The following SLC44A1 variants were observed in gnomAD, a reference collection of about 807,000 sequenced individuals.
SLC44A1 encodes solute carrier family 44 member 1.
SLC44A1 carries 26 observed loss-of-function variants against 79.3 expected under a neutral mutation model. The observed-to-expected ratio is 0.33, with a 90% CI of 0.24 to 0.46. The LOEUF (loss-of-function observed/expected upper bound fraction) is 0.46, where lower values mean the gene tolerates loss of function less well. Among genes scored for constraint, SLC44A1 ranks in the 20% least tolerant of loss-of-function variants. The pLI, the probability that SLC44A1 is intolerant of heterozygous loss-of-function variation, is 1.00. For missense variants in SLC44A1, 688 were observed against 798.1 expected, an observed-to-expected ratio of 0.86 and a Z score of 1.66; for synonymous variants, 263 against 286.2, an observed-to-expected ratio of 0.92 and a Z score of 0.82.
intron 15 of SLC44A1, among the ~76,000 whole-genome samples, chr9:105,408,532 C>G (rs1240206521): frequency 6.6e-6 from 1 of 152,150 alleles, no homozygotes; most frequent in Non-Finnish European, 1.5e-5. Context: ...GCCTCAGCCT[C>G]CTGAGTAGCT....
chr9:105,381,748 C>G (rs2131462188), intron 13 of SLC44A1, among the ~76,000 whole-genome samples: 1 of 152,058 alleles, frequency 6.6e-6, no homozygotes, highest in South Asian at 2.1e-4. Flanking sequence ...TTGGGCAGAC[C>G]CAGATTTGCT....
At chr9:105,292,268 G>T (rs1447954591) in intron 1 of SLC44A1, among the ~76,000 whole-genome samples, 1 of 152,168 alleles carries the variant, frequency 6.6e-6, no homozygotes, top group Admixed American at 6.5e-5. Flanking sequence ...TTGTTAGTAG[G>T]AATCTCACCA....
At chr9:105,305,409 C>G (rs1180998897) in intron 2 of SLC44A1, among the ~76,000 whole-genome samples, 1 of 152,084 alleles carries the variant, frequency 6.6e-6, no homozygotes, top group Non-Finnish European at 1.5e-5. Context: ...AATACTCACT[C>G]TGCATCAGGC....
At chr9:105,352,952 A>G (rs1038232363) in intron 5 of SLC44A1, among the ~76,000 whole-genome samples, 2 of 152,218 alleles carry the variant, frequency 1.3e-5, no homozygotes, top group Non-Finnish European at 2.9e-5. Context: ...AAGGAAATCT[A>G]GTTTGTTTAG....
chr9:105,391,077 C>G lies in SLC44A1; in HGVS notation c.*2021C>G, dbSNP rs1444666749. The G allele has an allele frequency of 2.0e-6, 2 of 985,630 alleles. No individual in the cohort carries two copies. Among genetic ancestry groups the G allele is most frequent in the African/African-American group, 1.7e-5 (1 of 57,204 alleles). The allele number at this position is 985,630 out of a possible 1,614,324, so 61.1% of individuals were successfully genotyped here. A position where few individuals can be genotyped will look rare whatever the true frequency, so the allele number is the denominator to read the frequency against. On this transcript the variant is annotated 3_prime_UTR_variant, in exon 16 of 16. Coordinates refer to ENST00000374720, the MANE Select transcript of SLC44A1 (RefSeq NM_080546.5). The stretch of plus-strand genomic sequence containing the variant: ...CATTGGGAACTAAATTTAGAATTGG[C>G]AAAAGTCTAGAAGATGGGTATCAAA...
At chr9:105,363,136 G>C (rs951860324) in intron 9 of SLC44A1, 129 bp downstream of exon 9, 3 of 698,306 alleles carry the variant, frequency 4.3e-6, no homozygotes, top group Admixed American at 5.4e-5. Context: ...ACTTGTAGTG[G>C]TTATGGCTCC....
At chr9:105,310,544 G>A (rs1831151077) in intron 3 of SLC44A1, among the ~76,000 whole-genome samples, 1 of 152,068 alleles carries the variant, frequency 6.6e-6, no homozygotes, top group Non-Finnish European at 1.5e-5. Context: ...ACCTTATTAG[G>A]CATTTTAAGT....
intron 15 of SLC44A1, among the ~76,000 whole-genome samples, chr9:105,413,899 TG>T (rs1383211574): frequency 6.6e-6 from 1 of 152,090 alleles, no homozygotes; most frequent in Non-Finnish European, 1.5e-5. Flanking sequence ...GCTGGGATGT[TG>T]TAAAGCAGTA....
intron 15 of SLC44A1, among the ~76,000 whole-genome samples, chr9:105,404,452 G>A (rs567408694): frequency 4.6e-5 from 7 of 152,222 alleles, no homozygotes; most frequent in African/African-American, 1.2e-4. Context: ...AGATGAAGCC[G>A]TATTTACTTT....
intron 1 of SLC44A1, among the ~76,000 whole-genome samples, chr9:105,287,258 CT>C (rs763712736): frequency 4.1e-4 from 62 of 152,296 alleles, no homozygotes; most frequent in Middle Eastern, 3.4e-3. Flanking sequence ...GATATATATA[CT>C]TTTTACTACT....
At chr9:105,410,672 C>T (rs1829083403) in intron 15 of SLC44A1, among the ~76,000 whole-genome samples, 2 of 152,266 alleles carry the variant, frequency 1.3e-5, no homozygotes, top group South Asian at 4.2e-4. Context: ...CATAGAATTA[C>T]CATGGGATGC....
intron 1 of SLC44A1, among the ~76,000 whole-genome samples, chr9:105,276,048 C>T (rs931886021): frequency 1.1e-4 from 17 of 151,984 alleles, no homozygotes; most frequent in Non-Finnish European, 1.9e-4. Flanking sequence ...TCAGGTGATC[C>T]GCCCACCTCG....
intron 15 of SLC44A1, among the ~76,000 whole-genome samples, chr9:105,427,363 T>C (rs1829336638): frequency 6.6e-6 from 1 of 152,252 alleles, no homozygotes; most frequent in Non-Finnish European, 1.5e-5. Context: ...TATAATTGAA[T>C]TCAGCAATTT....
Position 105,309,723 on chromosome 9 carries a change from G to T in SLC44A1, c.127-1G>T. On this transcript the variant is annotated splice_acceptor_variant, in intron 2 of 15. Coordinates refer to ENST00000374720, the MANE Select transcript of SLC44A1 (RefSeq NM_080546.5). LOFTEE classifies it high-confidence loss of function. ...TATGTTTTTTTCTGTTTCTTTCCTA[G>T]GGATTTATTTGTGGCTTTTCAATAG... 1 of 1,613,462 alleles carries T rather than the reference G, an allele frequency of 6.2e-7. No homozygotes were observed. Among genetic ancestry groups the T allele is most frequent in the Non-Finnish European group, 8.5e-7 (1 of 1,179,580 alleles).
chr9:105,338,363 CT>C (rs1281555546), intron 4 of SLC44A1, among the ~76,000 whole-genome samples: 1 of 152,074 alleles, frequency 6.6e-6, no homozygotes, highest in Non-Finnish European at 1.5e-5. Flanking sequence ...TATTTCTCTG[CT>C]TTTTGCATTA....
intron 5 of SLC44A1, among the ~76,000 whole-genome samples, chr9:105,355,428 AT>A (rs1564455128): frequency 6.6e-6 from 1 of 152,206 alleles, no homozygotes; most frequent in Non-Finnish European, 1.5e-5. Flanking sequence ...ATAGTAACTG[AT>A]AAAAAGAAAA....
At chr9:105,269,227 T>C (rs940867989) in intron 1 of SLC44A1, among the ~76,000 whole-genome samples, 1 of 152,224 alleles carries the variant, frequency 6.6e-6, no homozygotes, top group African/African-American at 2.4e-5. Context: ...GCCTGTTTGC[T>C]TGAGAAACCC....
chr9:105,263,168 G>A (rs535330392), intron 1 of SLC44A1, among the ~76,000 whole-genome samples: 1 of 152,180 alleles, frequency 6.6e-6, no homozygotes, highest in African/African-American at 2.4e-5. Flanking sequence ...CATACTCTAC[G>A]TGGATTTTGT....
intron 3 of SLC44A1, among the ~76,000 whole-genome samples, chr9:105,324,307 G>A (rs1384606422): frequency 4.0e-5 from 6 of 151,282 alleles, no homozygotes; most frequent in Non-Finnish European, 1.5e-5. Context: ...TGGGAGTGCA[G>A]TGGGGTGATC....
Sources: allele counts gnomAD v4.1 joint callset (sites outside exome capture counted in the v4.1 genomes callset), GRCh38; gene constraint gnomAD v4.1.1; transcripts MANE v1.5; gene names NCBI Gene and HGNC (gene_info 2026-07-23, HGNC 2026-07-21).